Variants in PATJ observed in about 807,000 individuals in gnomAD.
PATJ encodes the protein inaD-like protein.
In PATJ, 190 loss-of-function variants were observed where a neutral mutation model predicts 224.9. That is an observed-to-expected ratio of 0.84 (90% CI 0.75 to 0.95). PATJ has a LOEUF of 0.95. Ranked by LOEUF, PATJ falls within the 40% of genes least tolerant of loss-of-function variation. PATJ has a pLI of 0.00. For synonymous variants in PATJ, 769 were observed against 820.3 expected, an observed-to-expected ratio of 0.94 and a Z score of 1.07; for missense variants, 2,121 against 2,270.3, an observed-to-expected ratio of 0.93 and a Z score of 1.34.
At chr1:62,008,959 G>A (rs1428212603) in intron 28 of PATJ, among the ~76,000 whole-genome samples, 2 of 152,052 alleles carry the variant, frequency 1.3e-5, no homozygotes, top group African/African-American at 4.8e-5. Flanking sequence ...CAAAGATAAA[G>A]ACATGTCTAC....
intron 7 of PATJ, among the ~76,000 whole-genome samples, chr1:61,778,652 A>T (rs1319214756): frequency 6.6e-6 from 1 of 152,186 alleles, no homozygotes; most frequent in Non-Finnish European, 1.5e-5. Context: ...TTTAAGCCAG[A>T]TATTAAAGAG....
At chr1:62,033,942 A>G (rs1396968839) in intron 29 of PATJ, among the ~76,000 whole-genome samples, 2 of 152,208 alleles carry the variant, frequency 1.3e-5, no homozygotes, top group Admixed American at 6.5e-5. Flanking sequence ...TAATTTTAAC[A>G]GAGCATGGCA....
At chr1:62,126,424 T>G (rs1665726238) in intron 39 of PATJ, among the ~76,000 whole-genome samples, 1 of 152,224 alleles carries the variant, frequency 6.6e-6, no homozygotes, top group African/African-American at 2.4e-5. Context: ...AGTTGTTTTT[T>G]ACATTTTGAC....
rs34767684 is a variant in PATJ at position 62,106,063 on chromosome 1, A to AAAAAT, written c.4378-2373_4378-2372insAAATA. On this transcript the variant is annotated intron_variant, in intron 33 of 43. Coordinates refer to ENST00000642238, the MANE Select transcript of PATJ (RefSeq NM_001350145.3). Reference sequence around the variant, plus strand: ...CTCCTCTTAAAAAAAAAAAAAAAAAAATATATATATATATATACACACACA... The same window carrying AAAAAT: ...CTCCTCTTAAAAAAAAAAAAAAAAAAAAAATATATATATATATATATACACACACA... Among the ~76,000 whole-genome samples the AAAAAT allele has an allele frequency of 1.2e-3, 47 of 39,660 alleles. 7 individuals are homozygous for AAAAAT. Among genetic ancestry groups the AAAAAT allele is most frequent in the Middle Eastern group, 0.023 (1 of 44 alleles). The allele number at this position is 39,660 out of a possible 152,430, so 26.0% of individuals were successfully genotyped here. A position where few individuals can be genotyped will look rare whatever the true frequency, so the allele number is the denominator to read the frequency against.
At chr1:61,838,415 C>T (rs1280028249) in intron 17 of PATJ, among the ~76,000 whole-genome samples, 5 of 150,632 alleles carry the variant, frequency 3.3e-5, no homozygotes, top group South Asian at 2.1e-4. Context: ...AGTGCAGTGG[C>T]GCGATCTCAG....
chr1:62,124,853 T>C (rs1665506265), intron 39 of PATJ, among the ~76,000 whole-genome samples: 2 of 152,044 alleles, frequency 1.3e-5, no homozygotes, highest in South Asian at 4.1e-4. Context: ...AGGCCCTATC[T>C]CCAAATACAG....
intron 28 of PATJ, among the ~76,000 whole-genome samples, chr1:62,006,210 G>A (rs1315314131): frequency 6.6e-6 from 1 of 152,132 alleles, no homozygotes; most frequent in Non-Finnish European, 1.5e-5. Context: ...CATCTCCCAG[G>A]TTCAAGCAAT....
intron 28 of PATJ, among the ~76,000 whole-genome samples, chr1:61,995,024 A>G (rs1472002768): frequency 6.6e-6 from 1 of 152,238 alleles, no homozygotes; most frequent in African/African-American, 2.4e-5. Context: ...GTAGTATAAT[A>G]TCAAATCCAA....
chr1:61,837,010 A>G (rs1348915717), intron 17 of PATJ, among the ~76,000 whole-genome samples: 1 of 152,226 alleles, frequency 6.6e-6, no homozygotes. Context: ...GGAATATCTC[A>G]TTTCAGTTTA....
intron 27 of PATJ, among the ~76,000 whole-genome samples, chr1:61,986,730 AT>A (rs941885337): frequency 1.3e-5 from 2 of 150,364 alleles, no homozygotes; most frequent in Admixed American, 6.6e-5. Flanking sequence ...TTCATCACCT[AT>A]TTTTTCTCGT....
rs531853722 is a variant in PATJ at position 62,135,329 on chromosome 1, C to T, written c.5271+6384C>T. Among the ~76,000 whole-genome samples the T allele has an allele frequency of 1.9e-3, 285 of 151,794 alleles. 2 individuals are homozygous for T. The highest frequency in any genetic ancestry group is 3.3e-3 in the East Asian group (17 of 5,164). ...GGTCAGGAGTTCAAGACCAGCCTGG[C>T]CAACGTGGTGAAACCCCCTCTACTA... On this transcript the variant is annotated intron_variant, in intron 41 of 43. Transcript: ENST00000642238.
chr1:61,797,474 G>A (rs1203205361), intron 11 of PATJ, 46 bp downstream of exon 11: 4 of 1,531,002 alleles, frequency 2.6e-6, no homozygotes. Flanking sequence ...TTTACATTTG[G>A]AAGAGCAGTT....
In PATJ at chr1:61,869,264, G is replaced by A. The variant is rs1030747405; in HGVS notation, c.2835+4631G>A. On this transcript the variant is annotated intron_variant, in intron 20 of 43. Transcript: ENST00000642238. ...TGGGACTACAGGCGCCCGCCACTAC[G>A]CCCGGCTAATTTTTTGTATTTTTAG... is the stretch of plus-strand genomic sequence containing the variant. Among the ~76,000 whole-genome samples the A allele has an allele frequency of 3.6e-4, 54 of 150,666 alleles. 1 individual carries two copies. Among genetic ancestry groups the A allele is most frequent in the Middle Eastern group, 3.4e-3 (1 of 294 alleles).
Position 62,125,254 on chromosome 1 carries a change from C to CA in PATJ, c.5043+2205dup, listed in dbSNP as rs779305398. ...CCTGTCTCAAAAAAAAAAAAAAAAACAAAAAAAAACAAAAAAAAAACGCCA... is the reference window on the plus strand; with the variant it reads ...CCTGTCTCAAAAAAAAAAAAAAAAACAAAAAAAAAACAAAAAAAAAACGCCA... On this transcript the variant is annotated intron_variant, in intron 39 of 43. Coordinates refer to ENST00000642238, the MANE Select transcript of PATJ (RefSeq NM_001350145.3). Among the ~76,000 whole-genome samples the CA allele has an allele frequency of 8.7e-4, 62 of 71,382 alleles. 1 individual carries two copies. Among genetic ancestry groups the CA allele is most frequent in the Middle Eastern group, 6.2e-3 (1 of 162 alleles). The allele number at this position is 71,382 out of a possible 152,430, so 46.8% of individuals were successfully genotyped here. A position where few individuals can be genotyped will look rare whatever the true frequency, so the allele number is the denominator to read the frequency against.
intron 24 of PATJ, among the ~76,000 whole-genome samples, chr1:61,904,882 T>C (rs1186003849): frequency 6.6e-6 from 1 of 152,230 alleles, no homozygotes; most frequent in Non-Finnish European, 1.5e-5. Flanking sequence ...TTTTTTTACT[T>C]AGCATAATCT....
chr1:61,843,290 C>T (rs78347958), intron 17 of PATJ, among the ~76,000 whole-genome samples: 2,019 of 152,226 alleles, frequency 0.013, 49 homozygotes, highest in African/African-American at 0.046. Flanking sequence ...GACTAGCTTA[C>T]GAGTCAGAAA....
chr1:61,932,329 A>G (rs2149307809), intron 27 of PATJ, among the ~76,000 whole-genome samples: 1 of 152,324 alleles, frequency 6.6e-6, no homozygotes, highest in South Asian at 2.1e-4. Flanking sequence ...AATGGTCTTT[A>G]AAGTCATGGG....
At chr1:62,107,685 A>G (rs1188776363) in intron 33 of PATJ, among the ~76,000 whole-genome samples, 1 of 152,170 alleles carries the variant, frequency 6.6e-6, no homozygotes, top group East Asian at 1.9e-4. Context: ...TGGTAGTATT[A>G]CTTGAATCCT....
At chr1:61,767,008 G>A (rs1646320441) in intron 4 of PATJ, among the ~76,000 whole-genome samples, 1 of 152,038 alleles carries the variant, frequency 6.6e-6, no homozygotes, top group Non-Finnish European at 1.5e-5. Context: ...CAGGAGAATC[G>A]CTTGAACCCC....
Sources: gnomAD v4.1 joint callset for allele counts (sites outside exome capture counted in the v4.1 genomes callset) on GRCh38, gnomAD v4.1.1 for gene constraint, MANE v1.5 for transcripts, NCBI Gene and HGNC (gene_info 2026-07-23, HGNC 2026-07-21) for gene names.